The following SPEF2 variants were observed in gnomAD, a reference collection of about 807,000 sequenced individuals.
SPEF2 encodes the protein sperm flagellar and cilia associated 2.
In SPEF2, 187 loss-of-function variants were observed where a neutral mutation model predicts 224.6. The observed-to-expected ratio is 0.83, with a 90% CI of 0.74 to 0.94. The LOEUF (loss-of-function observed/expected upper bound fraction) is 0.94. Among genes scored for constraint, SPEF2 ranks in the 40% least tolerant of loss-of-function variants. SPEF2 has a pLI of 0.00. For synonymous variants in SPEF2, 715 were observed against 707.3 expected (o/e 1.01, Z -0.17); for missense variants, 2,170 against 2,135.6 (o/e 1.02, Z -0.32).
intron 2 of SPEF2, among the ~76,000 whole-genome samples, chr5:35,632,452 C>T (rs1194474635): frequency 6.6e-6 from 1 of 152,156 alleles, no homozygotes; most frequent in Non-Finnish European, 1.5e-5. Flanking sequence ...GAAGCTGTCT[C>T]CATGATCCAA....
chr5:35,708,837 G>T, intron 18 of SPEF2, 111 bp from the exon 19 acceptor site: 1 of 1,022,306 alleles, frequency 9.8e-7, no homozygotes, highest in South Asian at 1.7e-5. Context: ...GCATGAATTA[G>T]CTTTAAATAC....
chr5:35,661,141 C>CACCTCT (rs1749628394), intron 8 of SPEF2, among the ~76,000 whole-genome samples: 4 of 151,188 alleles, frequency 2.6e-5, no homozygotes, highest in African/African-American at 9.7e-5. Context: ...AATTAACAGT[C>CACCTCT]ACCTCTTCTT....
chr5:35,779,800 A>T (rs985716975), intron 30 of SPEF2, among the ~76,000 whole-genome samples: 2 of 152,238 alleles, frequency 1.3e-5, no homozygotes, highest in Non-Finnish European at 2.9e-5. Flanking sequence ...AGAATCAAAT[A>T]AGCTGTTAGA....
Position 35,667,266 on chromosome 5 carries a change from A to T in SPEF2, c.1355+7A>T. On this transcript the variant is annotated splice_region_variant and intron_variant, in intron 9 of 36. Transcript: ENST00000356031. ...ATCGAATGTTGACAAATAAGTAAGTATTTTTTTTGTAATAACAGTAGAGAC... is the reference window on the plus strand; with the variant it reads ...ATCGAATGTTGACAAATAAGTAAGTTTTTTTTTTGTAATAACAGTAGAGAC... The T allele has an allele frequency of 6.3e-7, 1 of 1,586,894 alleles. No individual in the cohort carries two copies. Among genetic ancestry groups the T allele is most frequent in the Non-Finnish European group, 8.6e-7 (1 of 1,164,004 alleles).
intron 8 of SPEF2, among the ~76,000 whole-genome samples, chr5:35,663,072 G>GA: frequency 6.6e-6 from 1 of 152,104 alleles, no homozygotes; most frequent in South Asian, 2.1e-4. Flanking sequence ...TATTGCTGTG[G>GA]AAAATACTGA....
chr5:35,755,939 A>C (rs1319575489), intron 24 of SPEF2, among the ~76,000 whole-genome samples: 1 of 152,154 alleles, frequency 6.6e-6, no homozygotes, highest in Non-Finnish European at 1.5e-5. Context: ...TTCATTTCAC[A>C]AATGAGGAAA....
rs761983217 is a variant in SPEF2, at chr5:35,641,556, T to G, written c.287T>G (p.Leu96Arg). The change falls in exon 3 of 37, where the codon CTG becomes CGG. Residue 96 changes from leucine to arginine, a missense_variant. Transcript: ENST00000356031. ...ITEKPGVATK[L>R]LYQLYIALQK... ...GAAAAGCCTGGGGTGGCAACAAAGC[T>G]GTTATATCAATTGTACATTGCTCTT... 42 of 1,613,700 alleles carry G rather than the reference T, an allele frequency of 2.6e-5. No individual in the cohort carries two copies. The highest frequency in any genetic ancestry group is 1.7e-4 in the Admixed American group (10 of 59,932).
chr5:35,803,556 T>G (rs748775389), intron 34 of SPEF2, among the ~76,000 whole-genome samples: 2 of 152,176 alleles, frequency 1.3e-5, no homozygotes, highest in African/African-American at 4.8e-5. Context: ...GGCCTGTTCC[T>G]GACTTGGAGT....
intron 9 of SPEF2, 112 bp downstream of exon 9, chr5:35,667,371 A>G (rs764682454): frequency 1.6e-5 from 16 of 1,008,452 alleles, no homozygotes; most frequent in Non-Finnish European, 2.2e-5. Flanking sequence ...TGATTCATGA[A>G]AAGACTAAAA....
chr5:35,664,296 G>C (rs1339349203), intron 8 of SPEF2, among the ~76,000 whole-genome samples: 1 of 147,840 alleles, frequency 6.8e-6, no homozygotes, highest in African/African-American at 2.5e-5. Flanking sequence ...AAAAAAAGAG[G>C]AAAGAAGGAA....
intron 30 of SPEF2, among the ~76,000 whole-genome samples, chr5:35,785,852 C>T (rs1027029638): frequency 6.6e-6 from 1 of 152,010 alleles, no homozygotes; most frequent in Non-Finnish European, 1.5e-5. Context: ...CTACCATGCT[C>T]CCTCAATGTG....
At chr5:35,727,594 GTAAT>G in intron 20 of SPEF2, 77 bp from the exon 21 acceptor site, 1 of 1,207,258 alleles carries the variant, frequency 8.3e-7, no homozygotes, top group Non-Finnish European at 1.2e-6. Flanking sequence ...GAAGTCCATG[GTAAT>G]TATAGATGTA....
At chr5:35,772,635 G>C (rs1431987428) in intron 27 of SPEF2, among the ~76,000 whole-genome samples, 1 of 152,114 alleles carries the variant, frequency 6.6e-6, no homozygotes, top group Non-Finnish European at 1.5e-5. Flanking sequence ...GAAGGAGTGG[G>C]TCAGTGGCAC....
intron 25 of SPEF2, among the ~76,000 whole-genome samples, chr5:35,760,256 A>G (rs897953039): frequency 6.6e-6 from 1 of 151,732 alleles, no homozygotes; most frequent in Non-Finnish European, 1.5e-5. Context: ...CCAGCTACTC[A>G]GGAGGCTGAG....
intron 34 of SPEF2, among the ~76,000 whole-genome samples, chr5:35,803,994 A>G (rs996385187): frequency 6.6e-6 from 1 of 152,196 alleles, no homozygotes; most frequent in African/African-American, 2.4e-5. Flanking sequence ...ATTTGGGAAA[A>G]TGGTTCGTTC....
At chr5:35,667,324 A>G in intron 9 of SPEF2, 65 bp downstream of exon 9, 2 of 1,339,340 alleles carry the variant, frequency 1.5e-6, no homozygotes, top group South Asian at 1.5e-5. Flanking sequence ...AAGATTGTAA[A>G]ATAGATACTA....
At position 35,630,553 on chromosome 5, in the gene SPEF2, G is replaced by A. The variant is rs112627780; in HGVS notation, c.161+1991G>A. Among the ~76,000 whole-genome samples, 1,088 of 152,176 alleles carry A rather than the reference G, an allele frequency of 7.1e-3. 14 individuals are homozygous for A. Among genetic ancestry groups the A allele is most frequent in the African/African-American group, 0.025 (1,045 of 41,510 alleles). On this transcript the variant is annotated intron_variant, in intron 2 of 36. Transcript: ENST00000356031. ...CTACTAAAAATACAAAAAATTAGCC[G>A]GGCATGGTGGCGGGCGTCTGTAGTC...
chr5:35,796,485 G>A (rs536557869), intron 33 of SPEF2, among the ~76,000 whole-genome samples: 46 of 151,902 alleles, frequency 3.0e-4, no homozygotes, highest in African/African-American at 9.9e-4. Context: ...AGTGGCGGGC[G>A]CCTGTAGTCC....
rs1240231732 is a variant in SPEF2, at chr5:35,760,785, G to A, written c.3620+1066G>A. Among the ~76,000 whole-genome samples the A allele has an allele frequency of 2.0e-5, 3 of 152,122 alleles. No homozygotes were observed. In the East Asian group the frequency reaches 5.8e-4, roughly 29 times the overall value. On this transcript the variant is annotated intron_variant, in intron 25 of 36. Transcript: ENST00000356031. ...CTAGAAATGGGAGTTAGGAGTGGTG[G>A]TGATTCCTGTGGCATGGTTTCCAAC...
Sources: gnomAD v4.1 joint callset for allele counts (sites outside exome capture counted in the v4.1 genomes callset) on GRCh38, gnomAD v4.1.1 for gene constraint, MANE v1.5 for transcripts, NCBI Gene and HGNC (gene_info 2026-07-23, HGNC 2026-07-21) for gene names.